The following DSCAM variants were observed in gnomAD, a reference collection of about 807,000 sequenced individuals.
DSCAM encodes DS cell adhesion molecule.
A neutral mutation model predicts 217.7 loss-of-function variants in DSCAM; 47 were observed. The observed-to-expected ratio is 0.22, with a 90% CI of 0.17 to 0.28. DSCAM has a LOEUF of 0.28. Among genes scored for constraint, DSCAM ranks in the 10% least tolerant of loss-of-function variants. The pLI is 1.00. For synonymous variants in DSCAM, 1,056 were observed against 1,015.3 expected, an observed-to-expected ratio of 1.04 and a Z score of -0.76; for missense variants, 2,080 against 2,618.3, an observed-to-expected ratio of 0.79 and a Z score of 4.49.
At chr21:40,240,769 C>T (rs2073141845) in intron 11 of DSCAM, among the ~76,000 whole-genome samples, 1 of 152,140 alleles carries the variant, frequency 6.6e-6, no homozygotes, top group Admixed American at 6.5e-5. Flanking sequence ...GCATGCATGC[C>T]ATTTGTGACG....
intron 3 of DSCAM, among the ~76,000 whole-genome samples, chr21:40,480,336 G>C (rs1044758802): frequency 6.6e-6 from 1 of 152,022 alleles, no homozygotes; most frequent in Admixed American, 6.6e-5. Context: ...AAGCCTTTTA[G>C]GGAAGAGAGA....
At chr21:40,580,739 C>T (rs972543286) in intron 3 of DSCAM, among the ~76,000 whole-genome samples, 3 of 152,050 alleles carry the variant, frequency 2.0e-5, no homozygotes, top group African/African-American at 7.2e-5. Context: ...AGACCAAATG[C>T]AGTAAGTGGA....
At chr21:40,397,565 A>G (rs186228049) in intron 3 of DSCAM, among the ~76,000 whole-genome samples, 3 of 152,036 alleles carry the variant, frequency 2.0e-5, no homozygotes, top group Non-Finnish European at 4.4e-5. Flanking sequence ...TTTCTAAATT[A>G]CCCAGTCTCA....
chr21:40,546,673 G>A (rs989845288), intron 3 of DSCAM, among the ~76,000 whole-genome samples: 3 of 152,082 alleles, frequency 2.0e-5, no homozygotes, highest in Non-Finnish European at 4.4e-5. Flanking sequence ...TCGAGATGAA[G>A]TTCATCCATT....
chr21:40,778,299 AAAAT>A (rs1569031700), intron 1 of DSCAM, among the ~76,000 whole-genome samples: 1 of 152,200 alleles, frequency 6.6e-6, no homozygotes, highest in Non-Finnish European at 1.5e-5. Context: ...GGGTTAAAAA[AAAAT>A]AAATATATAG....
intron 1 of DSCAM, among the ~76,000 whole-genome samples, chr21:40,842,339 C>T (rs931405578): frequency 6.6e-6 from 1 of 152,206 alleles, no homozygotes; most frequent in Non-Finnish European, 1.5e-5. Flanking sequence ...CCGAGGAAAT[C>T]GAAGTGCTCA....
chr21:40,078,878 G>T lies in DSCAM; in HGVS notation c.4520C>A (p.Thr1507Asn), dbSNP rs181031846. 1 of 1,614,238 alleles carries T rather than the reference G, an allele frequency of 6.2e-7. No homozygotes were observed. The highest frequency in any genetic ancestry group is 8.5e-7 in the Non-Finnish European group (1 of 1,180,042). ...IGWNDGGCPI[T>N]SFTLEYRPFG... ...GGGCCTGTACTCTAGTGTGAAGGAGGTGATGGGGCAGCCGCCATCATTCCA... is the reference window on the plus strand; with the variant it reads ...GGGCCTGTACTCTAGTGTGAAGGAGTTGATGGGGCAGCCGCCATCATTCCA... Residue 1507 changes from threonine to asparagine, a missense_variant, in exon 26 of 33, where the codon ACC (threonine) becomes AAC (asparagine). Thr to Asn is a moderately conservative substitution (Grantham distance 65, BLOSUM62 0). Around this residue, in one of 5 missense-constraint regions of DSCAM, gnomAD observed 1,144 missense variants for 1,421.1 expected, o/e 0.81. Transcript: ENST00000400454.
At chr21:40,366,576 AT>A (rs1183526016) in intron 4 of DSCAM, among the ~76,000 whole-genome samples, 3 of 152,100 alleles carry the variant, frequency 2.0e-5, no homozygotes, top group Non-Finnish European at 2.9e-5. Flanking sequence ...ATTTGTCAGT[AT>A]TTTTTGTAGT....
At chr21:40,779,032 G>GAAAAAAAAAA (rs772208075) in intron 1 of DSCAM, among the ~76,000 whole-genome samples, 1 of 45,538 alleles carries the variant, frequency 2.2e-5, no homozygotes, top group Non-Finnish European at 3.9e-5. Context: ...CTCAAAAACA[G>GAAAAAAAAAA]AAAAAAAAAA....
chr21:40,370,071 G>A (rs1399834196), intron 3 of DSCAM, among the ~76,000 whole-genome samples: 1 of 152,136 alleles, frequency 6.6e-6, no homozygotes, highest in Non-Finnish European at 1.5e-5. Flanking sequence ...TCAAATATCA[G>A]TGTTAGTTTA....
At chr21:40,538,257 G>A (rs2076515298) in intron 3 of DSCAM, among the ~76,000 whole-genome samples, 1 of 151,652 alleles carries the variant, frequency 6.6e-6, no homozygotes, top group African/African-American at 2.4e-5. Context: ...TTCATTTCCA[G>A]TTGAAAGAGA....
intron 3 of DSCAM, among the ~76,000 whole-genome samples, chr21:40,542,775 T>G (rs947399841): frequency 2.0e-5 from 3 of 152,290 alleles, no homozygotes; most frequent in South Asian, 2.1e-4. Context: ...AAGGTGCTCA[T>G]TTTGTCAATA....
intron 11 of DSCAM, among the ~76,000 whole-genome samples, chr21:40,217,274 TATC>T (rs1221458770): frequency 1.3e-5 from 2 of 152,228 alleles, no homozygotes; most frequent in Admixed American, 6.5e-5. Context: ...CATAGAAAGA[TATC>T]ATTCATAATT....
chr21:40,154,155 C>G (rs2090452064), intron 16 of DSCAM, among the ~76,000 whole-genome samples: 1 of 151,590 alleles, frequency 6.6e-6, no homozygotes, highest in African/African-American at 2.4e-5. Flanking sequence ...TTCCTCTCCT[C>G]TCTCCTTTCT....
chr21:40,462,338 C>T (rs2075812579), intron 3 of DSCAM, among the ~76,000 whole-genome samples: 1 of 152,160 alleles, frequency 6.6e-6, no homozygotes, highest in South Asian at 2.1e-4. Flanking sequence ...TTGGACCCAT[C>T]TTCTGGCAGC....
chr21:40,576,141 C>T (rs541360807), intron 3 of DSCAM, among the ~76,000 whole-genome samples: 1 of 152,238 alleles, frequency 6.6e-6, no homozygotes, highest in South Asian at 2.1e-4. Context: ...AAAAAGGCTT[C>T]TACAAAAATA....
In DSCAM at chr21:40,087,190, T is replaced by C. The variant is rs757330780; in HGVS notation, c.3948A>G (p.Ala1316=). ...GTTACCTGTCTTTCATCCATTTGAC[T>C]GCAGGAGAAGGGTCCCCAACAGCCT... ...PCKAVGDPSP[A]VKWMKDSNGT... is the part of the protein sequence containing the mutation. The change falls in exon 22 of 33, where the codon GCA becomes GCG. Residue 1316 remains alanine, a synonymous_variant. Coordinates refer to ENST00000400454, the MANE Select transcript of DSCAM (RefSeq NM_001389.5). The C allele has an allele frequency of 9.3e-6, 15 of 1,613,840 alleles. 1 individual carries two copies. In the South Asian group the frequency reaches 1.4e-4, roughly 15 times the overall value.
intron 27 of DSCAM, among the ~76,000 whole-genome samples, chr21:40,065,821 C>T (rs1458789126): frequency 6.6e-6 from 1 of 152,144 alleles, no homozygotes; most frequent in East Asian, 1.9e-4. Flanking sequence ...GACTGGAATC[C>T]ATCTTACTGA....
intron 20 of DSCAM, among the ~76,000 whole-genome samples, chr21:40,098,159 A>G (rs144975786): frequency 6.6e-6 from 1 of 152,262 alleles, no homozygotes; most frequent in African/African-American, 2.4e-5. Context: ...TATTACCAGT[A>G]ATAAAGACAG....
Sources: gnomAD v4.1 joint callset for allele counts (sites outside exome capture counted in the v4.1 genomes callset) on GRCh38, gnomAD v4.1.1 for gene constraint, gnomAD v4.1.1 regional missense constraint, MANE v1.5 for transcripts, NCBI Gene and HGNC (gene_info 2026-07-23, HGNC 2026-07-21) for gene names.